GLT1D1: variants seen among roughly 807,000 people sequenced by gnomAD.
GLT1D1 encodes the protein glycosyltransferase 1 domain-containing protein 1.
Under a neutral mutation model 28.7 loss-of-function variants are expected in GLT1D1, and 21 were observed. The ratio of observed to expected loss-of-function variants is 0.73; its 90% CI spans 0.52 to 1.05. The LOEUF is 1.05. GLT1D1 is among the 50% of genes least tolerant of loss of function. GLT1D1 has a pLI of 0.00. For missense variants in GLT1D1, 343 were observed against 330.6 expected (o/e 1.04, Z -0.29); for synonymous variants, 147 against 124.8 (o/e 1.18, Z -1.19).
chr12:128,876,352 A>C (rs1956870700), intron 2 of GLT1D1, among the ~76,000 whole-genome samples: 1 of 152,208 alleles, frequency 6.6e-6, no homozygotes, highest in Non-Finnish European at 1.5e-5. Context: ...ACTCTCACCC[A>C]GGCTGGAGTG....
intron 7 of GLT1D1, among the ~76,000 whole-genome samples, chr12:128,973,133 G>C (rs997803856): frequency 1.1e-4 from 15 of 142,852 alleles, no homozygotes; most frequent in Non-Finnish European, 1.7e-4. Flanking sequence ...CCACATATAG[G>C]TAAAATTATG....
At chr12:128,925,037 TTTG>T (rs1873053022) in intron 4 of GLT1D1, among the ~76,000 whole-genome samples, 2 of 151,360 alleles carry the variant, frequency 1.3e-5, no homozygotes, top group African/African-American at 2.4e-5. Context: ...TAAATTGTTT[TTTG>T]TTTTTTTTTT....
chr12:128,925,040 G>GTTT (rs370274035), intron 4 of GLT1D1, among the ~76,000 whole-genome samples: 2 of 142,574 alleles, frequency 1.4e-5, no homozygotes, highest in Non-Finnish European at 3.1e-5. Flanking sequence ...ATTGTTTTTT[G>GTTT]TTTTTTTTTT....
intron 1 of GLT1D1, among the ~76,000 whole-genome samples, chr12:128,867,722 C>T (rs888610609): frequency 1.3e-5 from 2 of 152,166 alleles, no homozygotes; most frequent in Admixed American, 6.5e-5. Context: ...GATGCTCACA[C>T]GCTTACTACA....
Position 128,942,735 on chromosome 12 carries a change from G to GTTTTTTTTTTTTTTTTT in GLT1D1, c.376-2588_376-2587insTTTTTTTTTTTTTTTTT, listed in dbSNP as rs1397894974. 3.1e-4 allele frequency among the ~76,000 whole-genome samples: 28 copies of GTTTTTTTTTTTTTTTTT among 89,556 alleles called. 11 individuals carry two copies. The highest frequency in any genetic ancestry group is 1.2e-3 in the African/African-American group (28 of 23,164). 58.8% of individuals were successfully genotyped at this position (89,556 alleles called of 152,430 possible). ...ATCACTTTAGATTCCAATTTTCTTTGTTTGTTTGTTTTTGTTTTTTGTTTT... is the reference window on the plus strand; with the variant it reads ...ATCACTTTAGATTCCAATTTTCTTTGTTTTTTTTTTTTTTTTTTTTGTTTGTTTTTGTTTTTTGTTTT... On this transcript the variant is annotated intron_variant, in intron 4 of 7. Coordinates refer to ENST00000281703, the MANE Select transcript of GLT1D1 (RefSeq NM_144669.3).
intron 1 of GLT1D1, among the ~76,000 whole-genome samples, chr12:128,874,245 G>A (rs989927327): frequency 1.4e-5 from 2 of 145,454 alleles, no homozygotes; most frequent in Non-Finnish European, 3.0e-5. Context: ...GCAGTGGCAC[G>A]ATCTTGGCTC....
chr12:128,894,757 G>A (rs1869438419), intron 3 of GLT1D1, among the ~76,000 whole-genome samples: 1 of 152,084 alleles, frequency 6.6e-6, no homozygotes, highest in African/African-American at 2.4e-5. Flanking sequence ...GGCTGAGGCA[G>A]GAGAGTTGCT....
chr12:128,872,100 T>C (rs1956704272), intron 1 of GLT1D1, among the ~76,000 whole-genome samples: 1 of 152,122 alleles, frequency 6.6e-6, no homozygotes, highest in South Asian at 2.1e-4. Flanking sequence ...TACAGGCATA[T>C]GCCACCATGC....
At chr12:128,949,075 G>A (rs1342015432) in intron 6 of GLT1D1, among the ~76,000 whole-genome samples, 6 of 152,076 alleles carry the variant, frequency 3.9e-5, no homozygotes, top group African/African-American at 1.4e-4. Flanking sequence ...GCAGTCCTCG[G>A]GGCAATACAT....
chr12:128,888,773 C>G (rs539236626), intron 3 of GLT1D1, 29 bp downstream of exon 3: 2 of 1,360,644 alleles, frequency 1.5e-6, no homozygotes, highest in South Asian at 2.4e-5. Context: ...TCATCCATGC[C>G]AAACATTTAA....
intron 4 of GLT1D1, among the ~76,000 whole-genome samples, chr12:128,917,323 C>T (rs1467937708): frequency 1.3e-5 from 2 of 152,126 alleles, no homozygotes; most frequent in Admixed American, 6.6e-5. Context: ...TGGGGCTCAA[C>T]TCATCAATTT....
At chr12:128,897,902 T>G (rs1423771693) in intron 3 of GLT1D1, among the ~76,000 whole-genome samples, 1 of 152,036 alleles carries the variant, frequency 6.6e-6, no homozygotes. Flanking sequence ...CTCCTGACCT[T>G]GTGATCCGCC....
Position 128,945,413 on chromosome 12 carries a change from T to C in GLT1D1, c.419+44T>C, listed in dbSNP as rs73416775. ...CAGTCATTTTGCAGAACGGGAAGCC[T>C]GAGTGGCCCCTGGGTTACCTGAACT... On this transcript the variant is annotated intron_variant, in intron 5 of 7. Transcript: ENST00000281703. The C allele has an allele frequency of 4.6e-3, 6,894 of 1,513,796 alleles. 257 individuals carry two copies. In the African/African-American group the frequency reaches 0.077, roughly 17 times the overall value. The allele number at this position is 1,513,796 out of a possible 1,614,324, so 93.8% of individuals were successfully genotyped here. A position where few individuals can be genotyped will look rare whatever the true frequency, so the allele number is the denominator to read the frequency against.
At chr12:128,908,855 A>G (rs1352199327) in intron 4 of GLT1D1, among the ~76,000 whole-genome samples, 1 of 152,146 alleles carries the variant, frequency 6.6e-6, no homozygotes, top group African/African-American at 2.4e-5. Context: ...AGGCTGAGGC[A>G]GGAGAATGGC....
rs1017194967 is a variant in GLT1D1 at position 128,927,165 on chromosome 12, G to T, written c.376-18161G>T. On this transcript the variant is annotated intron_variant, in intron 4 of 7. Coordinates refer to ENST00000281703, the MANE Select transcript of GLT1D1 (RefSeq NM_144669.3). The stretch of plus-strand genomic sequence containing the variant: ...ATTGTGGGTCCTGAAGTAAGTTGAT[G>T]TGCAGTAAACACTTATCTCATCTCT... 3.9e-6 allele frequency: 6 copies of T among 1,527,678 alleles called. No homozygotes were observed. The highest frequency in any genetic ancestry group is 5.3e-6 in the Non-Finnish European group (6 of 1,139,312). The allele number at this position is 1,527,678 out of a possible 1,614,324, so 94.6% of individuals were successfully genotyped here. A position where few individuals can be genotyped will look rare whatever the true frequency, so the allele number is the denominator to read the frequency against.
At chr12:128,869,654 G>T (rs1488452478) in intron 1 of GLT1D1, among the ~76,000 whole-genome samples, 1 of 152,074 alleles carries the variant, frequency 6.6e-6, no homozygotes, top group Non-Finnish European at 1.5e-5. Flanking sequence ...TTCACACTGA[G>T]TGCCTTTCTA....
intron 4 of GLT1D1, among the ~76,000 whole-genome samples, chr12:128,921,219 G>C (rs1370087482): frequency 6.6e-6 from 1 of 151,702 alleles, no homozygotes; most frequent in Non-Finnish European, 1.5e-5. Context: ...CCTAGAGTAA[G>C]ACAAGTCTAT....
rs373828623 is a variant in GLT1D1, at chr12:128,945,404, C to T, written c.419+35C>T. ...GGTGGAGACCAGTCATTTTGCAGAA[C>T]GGGAAGCCTGAGTGGCCCCTGGGTT... On this transcript the variant is annotated intron_variant, in intron 5 of 7. Coordinates refer to ENST00000281703, the MANE Select transcript of GLT1D1 (RefSeq NM_144669.3). 1.3e-5 allele frequency: 21 copies of T among 1,582,364 alleles called. 1 individual carries two copies. Among genetic ancestry groups the T allele is most frequent in the Admixed American group, 5.0e-5 (3 of 59,998 alleles).
At chr12:128,934,533 T>C (rs867987480) in intron 4 of GLT1D1, among the ~76,000 whole-genome samples, 30 of 152,274 alleles carry the variant, frequency 2.0e-4, no homozygotes, top group African/African-American at 6.7e-4. Context: ...AGTGCATCTA[T>C]GCAGTGTTTC....
Sources: allele counts gnomAD v4.1 joint callset (sites outside exome capture counted in the v4.1 genomes callset), GRCh38; gene constraint gnomAD v4.1.1; transcripts MANE v1.5; gene names NCBI Gene and HGNC (gene_info 2026-07-23, HGNC 2026-07-21).